Variants in TUNAR observed in about 807,000 individuals in gnomAD.
The protein encoded by TUNAR is transmembrane neural differentiation associated intracellular calcium regulator, also known as protein TUNAR.
chr14:95,906,460 A>C (rs1364667014), intron 2 of TUNAR, among the ~76,000 whole-genome samples: 1 of 152,256 alleles, frequency 6.6e-6, no homozygotes, highest in African/African-American at 2.4e-5. Flanking sequence ...TTTGTTAGCT[A>C]AAATATATTT....
At chr14:95,902,254 A>G (rs1889367836) in intron 2 of TUNAR, among the ~76,000 whole-genome samples, 1 of 152,084 alleles carries the variant, frequency 6.6e-6, no homozygotes, top group Non-Finnish European at 1.5e-5. Flanking sequence ...CAAAATTGTA[A>G]GCTTGACTTC....
intron 2 of TUNAR, among the ~76,000 whole-genome samples, chr14:95,879,139 G>A (rs1888937235): frequency 6.6e-6 from 1 of 152,184 alleles, no homozygotes; most frequent in Non-Finnish European, 1.5e-5. Flanking sequence ...GTGGATTAGA[G>A]CTAAATCCAT....
chr14:95,899,315 G>T (rs948928690), intron 2 of TUNAR, among the ~76,000 whole-genome samples: 9 of 152,220 alleles, frequency 5.9e-5, no homozygotes, highest in African/African-American at 2.2e-4. Context: ...TCCACTCCCA[G>T]GTATCCCACA....
Position 95,915,052 on chromosome 14 carries a change from G to A in TUNAR, c.13-7729G>A, listed in dbSNP as rs1889579291. Among the ~76,000 whole-genome samples, 10 of 152,288 alleles carry A rather than the reference G, an allele frequency of 6.6e-5. No homozygotes were observed. In the South Asian group the frequency reaches 1.7e-3, roughly 25 times the overall value. On this transcript the variant is annotated intron_variant, in intron 2 of 2. Coordinates refer to ENST00000678517, the Ensembl canonical transcript of TUNAR. The stretch of plus-strand genomic sequence containing the variant: ...AAAGGGCTTTCCTGACTGAGCTGTC[G>A]GCAGGTAGAATATACTTCCTGAGAG...
intron 2 of TUNAR, among the ~76,000 whole-genome samples, chr14:95,903,196 C>T (rs796486682): frequency 2.4e-4 from 36 of 152,300 alleles, no homozygotes; most frequent in African/African-American, 8.2e-4. Context: ...TTCTCCCGCT[C>T]GCTGATTCCA....
chr14:95,911,323 A>C (rs1889509890), intron 2 of TUNAR, among the ~76,000 whole-genome samples: 1 of 152,204 alleles, frequency 6.6e-6, no homozygotes, highest in Non-Finnish European at 1.5e-5. Flanking sequence ...GTCTCAGCTC[A>C]GACCTCCTAT....
chr14:95,888,911 C>A (rs529067262), intron 2 of TUNAR, among the ~76,000 whole-genome samples: 13 of 152,134 alleles, frequency 8.5e-5, no homozygotes, highest in African/African-American at 3.1e-4. Context: ...CAAGGTAGAC[C>A]GTTGCAAGGC....
At position 95,895,522 on chromosome 14, in the gene TUNAR, A is replaced by T. The variant is rs777388517; in HGVS notation, c.12+18345A>T. ...CCAAAACCCAGGCAGTGGGATGGTC[A>T]TGTTAGCATCTGTTTTACAAGGGAG... is the stretch of plus-strand genomic sequence containing the variant. On this transcript the variant is annotated intron_variant, in intron 2 of 2. Transcript: ENST00000678517. The surrounding 1 kb of genome is among the most constrained non-coding windows in gnomAD (Gnocchi z 4.5). 1.3e-5 allele frequency among the ~76,000 whole-genome samples: 2 copies of T among 152,154 alleles called. No homozygotes were observed. Among genetic ancestry groups the T allele is most frequent in the Non-Finnish European group, 2.9e-5 (2 of 68,018 alleles).
intron 2 of TUNAR, among the ~76,000 whole-genome samples, chr14:95,886,298 A>G (rs1889074661): frequency 6.6e-6 from 1 of 152,194 alleles, no homozygotes; most frequent in Non-Finnish European, 1.5e-5. Flanking sequence ...CTCAGTGACC[A>G]TTTGCTTTGA....
intron 2 of TUNAR, among the ~76,000 whole-genome samples, chr14:95,907,887 T>C (rs1224380102): frequency 6.6e-6 from 1 of 152,184 alleles, no homozygotes; most frequent in Non-Finnish European, 1.5e-5. Context: ...CTGGTCCTCC[T>C]GTGGTCTCTC....
intron 2 of TUNAR, among the ~76,000 whole-genome samples, chr14:95,882,139 T>A (rs529104188): frequency 1.3e-5 from 2 of 152,172 alleles, no homozygotes; most frequent in Non-Finnish European, 2.9e-5. Flanking sequence ...TCAGCACAAG[T>A]TTTTGATTTG....
At chr14:95,901,281 C>A (rs1342159674) in intron 2 of TUNAR, among the ~76,000 whole-genome samples, 3 of 152,214 alleles carry the variant, frequency 2.0e-5, no homozygotes, top group Non-Finnish European at 2.9e-5. Flanking sequence ...GGGCAACCAT[C>A]TGGTGAAACT....
intron 2 of TUNAR, among the ~76,000 whole-genome samples, chr14:95,880,858 A>G (rs1888968203): frequency 6.6e-6 from 1 of 152,218 alleles, no homozygotes; most frequent in South Asian, 2.1e-4. Context: ...GAAAGGAACC[A>G]CCAGCCCTTA....
intron 2 of TUNAR, among the ~76,000 whole-genome samples, chr14:95,880,057 GTT>G (rs1223201117): frequency 6.6e-6 from 1 of 152,186 alleles, no homozygotes; most frequent in Non-Finnish European, 1.5e-5. Context: ...TCCCGACTCA[GTT>G]GTTCATTGGC....
intron 2 of TUNAR, among the ~76,000 whole-genome samples, chr14:95,914,009 G>T (rs954096478): frequency 2.0e-5 from 3 of 152,240 alleles, no homozygotes; most frequent in African/African-American, 7.2e-5. Context: ...GGGATTACTG[G>T]CGTGAGCCAC....
chr14:95,923,598 C>G (rs567169382), exon 3 of TUNAR: 1 of 152,188 alleles, frequency 6.6e-6, no homozygotes, highest in Admixed American at 6.5e-5. Flanking sequence ...GAGGCACTCC[C>G]AGATCCATAG....
chr14:95,910,748 A>G (rs1291181055), intron 2 of TUNAR, among the ~76,000 whole-genome samples: 2 of 152,216 alleles, frequency 1.3e-5, no homozygotes, highest in Non-Finnish European at 2.9e-5. Flanking sequence ...TGTGCTGGGC[A>G]TGGGCATGTG....
At chr14:95,921,221 C>T (rs189629720) in intron 2 of TUNAR, among the ~76,000 whole-genome samples, 128 of 152,326 alleles carry the variant, frequency 8.4e-4, no homozygotes, top group Non-Finnish European at 1.4e-3. Flanking sequence ...GACACACACA[C>T]CCAGAATAAC....
chr14:95,903,615 C>T (rs1057027175), intron 2 of TUNAR, among the ~76,000 whole-genome samples: 1 of 152,260 alleles, frequency 6.6e-6, no homozygotes, highest in African/African-American at 2.4e-5. Context: ...AAACAAAAGC[C>T]TCTTTCAGCC....
Sources: gnomAD v4.1 joint callset for allele counts (sites outside exome capture counted in the v4.1 genomes callset) on GRCh38, gnomAD v4.1.1 for gene constraint, Gnocchi (gnomAD v3.1) non-coding constraint, MANE v1.5 for transcripts, NCBI Gene and HGNC (gene_info 2026-07-23, HGNC 2026-07-21) for gene names.